FGF13: variants seen among roughly 807,000 people sequenced by gnomAD.
The protein encoded by FGF13 is fibroblast growth factor 13.
Under a neutral mutation model 19.5 loss-of-function variants are expected in FGF13, and 2 were observed. That is an observed-to-expected ratio of 0.10 (90% CI 0.04 to 0.32). FGF13 has a LOEUF of 0.32. Among genes scored for constraint, FGF13 ranks in the 10% least tolerant of loss-of-function variants. The pLI is 1.00. For synonymous variants in FGF13, 72 were observed against 76.9 expected (o/e 0.94, Z 0.33); for missense variants, 113 against 192.7 (o/e 0.59, Z 2.45).
chrX:138,845,532 C>T (rs1015774533), intron 3 of FGF13, among the ~76,000 whole-genome samples: 4 of 111,475 alleles, frequency 3.6e-5, no homozygotes, highest in African/African-American at 1.3e-4. Context: ...TAATAAAGCT[C>T]TATTAAGTAG....
At chrX:138,755,868 T>C (rs769680147) in intron 3 of FGF13, among the ~76,000 whole-genome samples, 24 of 112,133 alleles carry the variant, frequency 2.1e-4, no homozygotes, top group African/African-American at 7.8e-4. Flanking sequence ...ATACCCCCAA[T>C]ACCTCACAAT....
intron 1 of FGF13, among the ~76,000 whole-genome samples, chrX:138,907,230 A>G (rs2091563121): frequency 9.0e-6 from 1 of 110,542 alleles, no homozygotes; most frequent in African/African-American, 3.3e-5. Flanking sequence ...GGGTTCTCCT[A>G]CTCTCTCCCC....
intron 2 of FGF13, among the ~76,000 whole-genome samples, chrX:138,860,399 G>A (rs2091282311): frequency 9.0e-6 from 1 of 111,225 alleles, no homozygotes; most frequent in African/African-American, 3.3e-5. Context: ...GCTTTATGAA[G>A]GGAAAAGGAG....
chrX:138,641,022 T>C (rs1463503408), intron 3 of FGF13, among the ~76,000 whole-genome samples: 1 of 112,052 alleles, frequency 8.9e-6, no homozygotes, highest in East Asian at 2.8e-4. Flanking sequence ...GGTACTGAAG[T>C]TGTCCATACA....
chrX:139,173,201 G>A (rs1321957243), intron 1 of FGF13, among the ~76,000 whole-genome samples: 2 of 111,175 alleles, frequency 1.8e-5, no homozygotes, highest in Non-Finnish European at 3.8e-5. Flanking sequence ...GCAATATGGT[G>A]TGCTACAAGA....
chrX:139,016,453 A>G (rs1014110602), intron 1 of FGF13, among the ~76,000 whole-genome samples: 1 of 111,561 alleles, frequency 9.0e-6, no homozygotes, highest in East Asian at 2.8e-4. Context: ...CAGGGCTGAT[A>G]GGCAATCCAA....
At chrX:139,064,094 T>C (rs993546343) in intron 1 of FGF13, among the ~76,000 whole-genome samples, 1 of 110,524 alleles carries the variant, frequency 9.0e-6, no homozygotes, top group Non-Finnish European at 1.9e-5. Flanking sequence ...TTAAGTAATG[T>C]CCTTCTTTAT....
At chrX:138,863,019 A>G (rs1434195797) in intron 2 of FGF13, among the ~76,000 whole-genome samples, 1 of 110,460 alleles carries the variant, frequency 9.1e-6, no homozygotes, top group Non-Finnish European at 1.9e-5. Context: ...TTCCATTAGT[A>G]TCTAGAATAT....
chrX:138,654,786 G>A (rs1037408370), intron 3 of FGF13, among the ~76,000 whole-genome samples: 6 of 105,209 alleles, frequency 5.7e-5, no homozygotes, highest in East Asian at 3.2e-4. Context: ...CATAAATAGC[G>A]GGGTGATGGC....
chrX:138,638,831 C>T (rs903473192), intron 3 of FGF13, among the ~76,000 whole-genome samples: 1 of 111,584 alleles, frequency 9.0e-6, no homozygotes, highest in African/African-American at 3.3e-5. Flanking sequence ...GCACCTATAA[C>T]GTGGCACCTA....
intron 3 of FGF13, among the ~76,000 whole-genome samples, chrX:138,780,260 C>T (rs1291622671): frequency 1.9e-3 from 203 of 105,850 alleles, no homozygotes; most frequent in Non-Finnish European, 3.4e-3. Context: ...CATCAACTAA[C>T]GAGCAAAATA....
rs774130472 is a variant in FGF13, at chrX:138,962,180, C to T, written c.-112-97530G>A. Among the ~76,000 whole-genome samples the T allele has an allele frequency of 1.1e-4, 12 of 112,010 alleles. No homozygotes were observed. The East Asian group carries it at 2.3e-3, about 21-fold the overall frequency. On this transcript the variant is annotated intron_variant, in intron 1 of 2. Transcript: ENST00000421460. ...ACAAACAACCCCATCAAAAAGTGGGCGAAGGATATGAACAGACTCTTCTCA... is the reference window on the plus strand; with the variant it reads ...ACAAACAACCCCATCAAAAAGTGGGTGAAGGATATGAACAGACTCTTCTCA...
chrX:138,913,613 AGAGGGAGG>A (rs1423224851), intron 1 of FGF13, among the ~76,000 whole-genome samples: 2 of 100,072 alleles, frequency 2.0e-5, no homozygotes, highest in Non-Finnish European at 4.0e-5. Context: ...AAAGAGAGAG[AGAGGGAGG>A]GAGGGAAGGA....
At chrX:138,903,751 C>A (rs903799733) in intron 1 of FGF13, among the ~76,000 whole-genome samples, 1 of 111,884 alleles carries the variant, frequency 8.9e-6, no homozygotes, top group Admixed American at 9.5e-5. Flanking sequence ...CTTATGACTA[C>A]TGTAGCATTT....
At chrX:138,696,482 G>C (rs969979090) in intron 3 of FGF13, among the ~76,000 whole-genome samples, 3 of 111,774 alleles carry the variant, frequency 2.7e-5, no homozygotes, top group Non-Finnish European at 5.6e-5. Flanking sequence ...ATAAATTTAA[G>C]ATCTGTGAAC....
intron 3 of FGF13, among the ~76,000 whole-genome samples, chrX:138,657,345 T>G (rs1262959890): frequency 9.0e-6 from 1 of 111,657 alleles, no homozygotes; most frequent in East Asian, 2.8e-4. Context: ...ACTCCATCTA[T>G]TATTAAAATA....
chrX:138,685,183 G>A (rs2089767700), intron 3 of FGF13, among the ~76,000 whole-genome samples: 1 of 110,791 alleles, frequency 9.0e-6, no homozygotes, highest in Non-Finnish European at 1.9e-5. Flanking sequence ...AATTGCCTTG[G>A]GGACCACCAG....
chrX:139,093,152 G>A (rs1210422239), intron 1 of FGF13, among the ~76,000 whole-genome samples: 3 of 112,200 alleles, frequency 2.7e-5, no homozygotes, highest in African/African-American at 6.5e-5. Flanking sequence ...AACCAATGGC[G>A]AGCAAAATCA....
chrX:138,877,646 T>C (rs1311276518), intron 1 of FGF13, among the ~76,000 whole-genome samples: 1 of 112,435 alleles, frequency 8.9e-6, no homozygotes. Context: ...TTTATCTCTA[T>C]GAATTTGCCT....
Sources: gnomAD v4.1 joint callset for allele counts (sites outside exome capture counted in the v4.1 genomes callset) on GRCh38, gnomAD v4.1.1 for gene constraint, MANE v1.5 for transcripts, NCBI Gene and HGNC (gene_info 2026-07-23, HGNC 2026-07-21) for gene names.